KCTD16: variants seen among roughly 807,000 people sequenced by gnomAD.
KCTD16 encodes BTB/POZ domain-containing protein KCTD16.
A neutral mutation model predicts 33.2 loss-of-function variants in KCTD16; 13 were observed. The ratio of observed to expected loss-of-function variants is 0.39; its 90% CI spans 0.25 to 0.62. KCTD16 has a LOEUF of 0.62. Ranked by LOEUF, KCTD16 falls within the 20% of genes least tolerant of loss-of-function variation. KCTD16 has a pLI of 0.50. For synonymous variants in KCTD16, 197 were observed against 195.3 expected (o/e 1.01, Z -0.07); for missense variants, 441 against 525.1 (o/e 0.84, Z 1.57).
intron 3 of KCTD16, among the ~76,000 whole-genome samples, chr5:144,285,327 A>G (rs932432031): frequency 2.6e-5 from 4 of 152,244 alleles, no homozygotes; most frequent in African/African-American, 9.6e-5. Flanking sequence ...AAAGTATGCC[A>G]TATAGAGTAG....
intron 3 of KCTD16, among the ~76,000 whole-genome samples, chr5:144,438,571 G>C (rs956609243): frequency 6.6e-6 from 1 of 152,146 alleles, no homozygotes; most frequent in African/African-American, 2.4e-5. Flanking sequence ...AGCCTAGCTT[G>C]GGTCATGTTC....
chr5:144,422,350 A>C (rs1404302684), intron 3 of KCTD16, among the ~76,000 whole-genome samples: 1 of 152,138 alleles, frequency 6.6e-6, no homozygotes, highest in Non-Finnish European at 1.5e-5. Flanking sequence ...TCATCTTCTC[A>C]CTTTCTTAAG....
intron 3 of KCTD16, among the ~76,000 whole-genome samples, chr5:144,374,422 G>C (rs964447238): frequency 4.6e-5 from 7 of 152,290 alleles, no homozygotes; most frequent in African/African-American, 1.4e-4. Flanking sequence ...CGACAGTGAG[G>C]TTGGATAGCA....
intron 2 of KCTD16, among the ~76,000 whole-genome samples, chr5:144,197,630 C>G (rs1280244045): frequency 1.3e-5 from 2 of 152,074 alleles, no homozygotes; most frequent in African/African-American, 4.8e-5. Flanking sequence ...TTTGTGATGC[C>G]AAACCATTGG....
chr5:144,328,811 C>G (rs1359909962), intron 3 of KCTD16, among the ~76,000 whole-genome samples: 1 of 151,710 alleles, frequency 6.6e-6, no homozygotes, highest in Non-Finnish European at 1.5e-5. Flanking sequence ...GTGAAAAGCA[C>G]TCTCATTTTC....
chr5:144,220,050 G>A (rs1035383763), intron 3 of KCTD16, among the ~76,000 whole-genome samples: 1 of 152,076 alleles, frequency 6.6e-6, no homozygotes, highest in African/African-American at 2.4e-5. Context: ...CACCTGTCCT[G>A]CCCCTTCTTT....
intron 3 of KCTD16, among the ~76,000 whole-genome samples, chr5:144,293,923 G>A (rs2126864293): frequency 6.6e-6 from 1 of 152,308 alleles, no homozygotes; most frequent in Admixed American, 6.5e-5. Flanking sequence ...ACTTTGGGAG[G>A]CCAAGGCAGG....
rs1039797527 is a variant in KCTD16, at chr5:144,477,885, T to G, written c.*3771T>G. ...GTCTTCTAGATGATCTTTACTAGAA[T>G]TAATAATACTCTTTCTGTGAACTTT... is the stretch of plus-strand genomic sequence containing the variant. On this transcript the variant is annotated 3_prime_UTR_variant, in exon 4 of 4. Coordinates refer to ENST00000512467, the MANE Select transcript of KCTD16 (RefSeq NM_020768.4). The G allele has an allele frequency of 7.9e-5, 12 of 152,052 alleles. No individual in the cohort carries two copies. The highest frequency in any genetic ancestry group is 2.7e-4 in the African/African-American group (11 of 41,420). The allele number at this position is 152,052 out of a possible 1,614,324, so 9.4% of individuals were successfully genotyped here.
At chr5:144,226,681 T>G (rs1277812946) in intron 3 of KCTD16, among the ~76,000 whole-genome samples, 1 of 152,100 alleles carries the variant, frequency 6.6e-6, no homozygotes, top group Non-Finnish European at 1.5e-5. Flanking sequence ...CAAGCAATCT[T>G]CCCACCTCAG....
chr5:144,415,421 G>A (rs1753025862), intron 3 of KCTD16, among the ~76,000 whole-genome samples: 1 of 152,144 alleles, frequency 6.6e-6, no homozygotes, highest in Non-Finnish European at 1.5e-5. Flanking sequence ...AAAGGGATGA[G>A]GAGGGACTGG....
chr5:144,197,802 T>TG (rs1398689824), intron 2 of KCTD16, among the ~76,000 whole-genome samples: 13 of 152,210 alleles, frequency 8.5e-5, no homozygotes, highest in Non-Finnish European at 1.5e-4. Context: ...ATTTCAGGAT[T>TG]GTTTTAGGAA....
chr5:144,425,994 A>G (rs560256851), intron 3 of KCTD16, among the ~76,000 whole-genome samples: 1 of 152,218 alleles, frequency 6.6e-6, no homozygotes, highest in African/African-American at 2.4e-5. Context: ...CACTCTTTAC[A>G]TGGCGAGATT....
chr5:144,342,895 A>G (rs149510425), intron 3 of KCTD16, among the ~76,000 whole-genome samples: 5,018 of 152,248 alleles, frequency 0.033, 124 homozygotes, highest in South Asian at 0.091. Context: ...TGATTTGCAT[A>G]TATTGAACCA....
At chr5:144,467,084 GTTATATATA>G (rs1283769420) in intron 3 of KCTD16, among the ~76,000 whole-genome samples, 1 of 119,842 alleles carries the variant, frequency 8.3e-6, no homozygotes, top group Non-Finnish European at 1.7e-5. Flanking sequence ...TATATATAGT[GTTATATATA>G]TTATATATAA....
At chr5:144,293,426 T>A (rs1755949745) in intron 3 of KCTD16, among the ~76,000 whole-genome samples, 1 of 152,344 alleles carries the variant, frequency 6.6e-6, no homozygotes, top group African/African-American at 2.4e-5. Context: ...AGTTCTTTTT[T>A]AAAATTATGG....
intron 3 of KCTD16, among the ~76,000 whole-genome samples, chr5:144,389,900 T>G (rs1752411714): frequency 6.6e-6 from 1 of 152,212 alleles, no homozygotes; most frequent in Non-Finnish European, 1.5e-5. Context: ...AAAGAAAAGT[T>G]AGTTTCTCTT....
intron 3 of KCTD16, among the ~76,000 whole-genome samples, chr5:144,278,571 C>A (rs553287639): frequency 1.8e-4 from 26 of 145,422 alleles, no homozygotes; most frequent in Middle Eastern, 7.2e-3. Flanking sequence ...AATCTTGGCT[C>A]ACTGCAAGCT....
intron 3 of KCTD16, among the ~76,000 whole-genome samples, chr5:144,268,662 CT>C (rs1477857939): frequency 2.0e-5 from 3 of 152,172 alleles, no homozygotes; most frequent in Admixed American, 2.0e-4. Context: ...CAAATGTCCA[CT>C]TTTCCAAAAA....
intron 3 of KCTD16, among the ~76,000 whole-genome samples, chr5:144,298,500 G>T (rs1344324277): frequency 6.6e-6 from 1 of 152,198 alleles, no homozygotes; most frequent in African/African-American, 2.4e-5. Flanking sequence ...ACAGGCCTAG[G>T]TGTAGGTACT....
Sources: allele counts gnomAD v4.1 joint callset (sites outside exome capture counted in the v4.1 genomes callset), GRCh38; gene constraint gnomAD v4.1.1; transcripts MANE v1.5; gene names NCBI Gene and HGNC (gene_info 2026-07-23, HGNC 2026-07-21).